Variants in CSMD1 observed in about 807,000 individuals in gnomAD.
CSMD1 encodes the protein CUB and Sushi multiple domains 1, also known as CUB and sushi domain-containing protein 1.
A neutral mutation model predicts 417.5 loss-of-function variants in CSMD1; 213 were observed. The ratio of observed to expected loss-of-function variants is 0.51; its 90% CI spans 0.46 to 0.57. The LOEUF (loss-of-function observed/expected upper bound fraction) is 0.57, where lower values mean the gene tolerates loss of function less well. Ranked by LOEUF, CSMD1 falls within the 20% of genes least tolerant of loss-of-function variation. CSMD1 has a pLI of 0.00. For synonymous variants in CSMD1, 2,862 were observed against 1,736.8 expected, an observed-to-expected ratio of 1.65 and a Z score of -16.11; for missense variants, 6,923 against 4,529.7, an observed-to-expected ratio of 1.53 and a Z score of -15.17.
At chr8:4,945,408 A>C (rs527914291) in intron 1 of CSMD1, among the ~76,000 whole-genome samples, 1 of 152,092 alleles carries the variant, frequency 6.6e-6, no homozygotes, top group Non-Finnish European at 1.5e-5. Context: ...ATTTCATATT[A>C]TGTATATTTT....
At chr8:3,864,819 A>G (rs1003362867) in intron 5 of CSMD1, among the ~76,000 whole-genome samples, 6 of 152,212 alleles carry the variant, frequency 3.9e-5, no homozygotes, top group Non-Finnish European at 7.3e-5. Flanking sequence ...GCTATTTGTT[A>G]TACAGAAACA....
intron 3 of CSMD1, among the ~76,000 whole-genome samples, chr8:4,055,650 G>A (rs1454824905): frequency 2.0e-5 from 3 of 151,988 alleles, no homozygotes; most frequent in African/African-American, 7.2e-5. Flanking sequence ...AACAGAAACT[G>A]TTTAATGTAA....
chr8:3,608,273 C>T (rs530739521), intron 8 of CSMD1, among the ~76,000 whole-genome samples: 19 of 151,960 alleles, frequency 1.3e-4, no homozygotes, highest in African/African-American at 4.1e-4. Flanking sequence ...TATTGCAGCT[C>T]ATGCAGAATC....
At chr8:3,938,168 A>G (rs1008550981) in intron 5 of CSMD1, among the ~76,000 whole-genome samples, 1 of 152,168 alleles carries the variant, frequency 6.6e-6, no homozygotes, top group African/African-American at 2.4e-5. Flanking sequence ...TTGTGTCAAT[A>G]AAAGTTGGGC....
chr8:3,913,070 A>G (rs1403139553), intron 5 of CSMD1, among the ~76,000 whole-genome samples: 1 of 152,156 alleles, frequency 6.6e-6, no homozygotes, highest in Non-Finnish European at 1.5e-5. Flanking sequence ...TGGCAGCACT[A>G]GGAAAGGAGC....
intron 12 of CSMD1, among the ~76,000 whole-genome samples, chr8:3,419,796 G>C (rs901612830): frequency 3.9e-5 from 6 of 152,052 alleles, no homozygotes; most frequent in Admixed American, 1.3e-4. Flanking sequence ...ATACAGTTTT[G>C]CATAAATTAA....
At chr8:4,005,553 G>A (rs558228099) in intron 4 of CSMD1, among the ~76,000 whole-genome samples, 3 of 152,274 alleles carry the variant, frequency 2.0e-5, no homozygotes, top group South Asian at 4.1e-4. Flanking sequence ...TTTATTTTCT[G>A]AATTGTCTTT....
chr8:4,737,049 G>C (rs534784999), intron 1 of CSMD1, among the ~76,000 whole-genome samples: 4 of 152,062 alleles, frequency 2.6e-5, no homozygotes, highest in African/African-American at 7.2e-5. Flanking sequence ...GTTTATTGCA[G>C]CATGATTCAC....
At chr8:4,684,745 T>G (rs368417705) in intron 1 of CSMD1, among the ~76,000 whole-genome samples, 230 of 152,348 alleles carry the variant, frequency 1.5e-3, no homozygotes, top group Middle Eastern at 6.8e-3. Flanking sequence ...TTTTGAACTA[T>G]AAATAATTAA....
At chr8:3,093,802 G>A (rs1370456108) in intron 47 of CSMD1, among the ~76,000 whole-genome samples, 1 of 152,186 alleles carries the variant, frequency 6.6e-6, no homozygotes, top group Non-Finnish European at 1.5e-5. Flanking sequence ...ATCGGGCAAT[G>A]CTGACTTTGG....
chr8:4,577,199 G>A (rs1276911091), intron 2 of CSMD1, among the ~76,000 whole-genome samples: 2 of 151,732 alleles, frequency 1.3e-5, no homozygotes, highest in South Asian at 2.1e-4. Context: ...ATTTTCTTTT[G>A]AATGTATCAA....
intron 47 of CSMD1, among the ~76,000 whole-genome samples, chr8:3,095,542 T>C (rs1173844600): frequency 6.6e-6 from 1 of 152,198 alleles, no homozygotes; most frequent in African/African-American, 2.4e-5. Flanking sequence ...ATTTATTAAT[T>C]CATTTTTGAA....
intron 5 of CSMD1, among the ~76,000 whole-genome samples, chr8:3,800,162 C>G (rs1265264753): frequency 2.0e-5 from 3 of 151,980 alleles, no homozygotes; most frequent in African/African-American, 7.2e-5. Flanking sequence ...GGAAAAAGAA[C>G]AAAAATCAGT....
intron 11 of CSMD1, among the ~76,000 whole-genome samples, chr8:3,482,283 A>T (rs1817793250): frequency 6.6e-6 from 1 of 152,176 alleles, no homozygotes; most frequent in South Asian, 2.1e-4. Flanking sequence ...CTTAAAATAT[A>T]TGTCAAAATC....
intron 7 of CSMD1, among the ~76,000 whole-genome samples, chr8:3,660,091 C>G (rs1033322989): frequency 6.6e-6 from 1 of 152,174 alleles, no homozygotes; most frequent in Non-Finnish European, 1.5e-5. Context: ...AAGGTACCAT[C>G]GTGATGTATG....
intron 3 of CSMD1, among the ~76,000 whole-genome samples, chr8:4,113,232 T>TCA (rs1801952720): frequency 4.6e-5 from 7 of 152,200 alleles, no homozygotes; most frequent in Admixed American, 3.9e-4. Flanking sequence ...GGCTCCTATG[T>TCA]GTTCAATTGA....
At chr8:4,855,928 T>A (rs540460470) in intron 1 of CSMD1, among the ~76,000 whole-genome samples, 4 of 148,674 alleles carry the variant, frequency 2.7e-5, no homozygotes, top group African/African-American at 9.9e-5. Context: ...ACAAAGATAC[T>A]CCTCGAGAAG....
intron 1 of CSMD1, among the ~76,000 whole-genome samples, chr8:4,797,801 A>T (rs1798061100): frequency 6.6e-6 from 1 of 152,222 alleles, no homozygotes; most frequent in Admixed American, 6.5e-5. Flanking sequence ...ATTTAAAAAT[A>T]CTTGTGCTCA....
intron 5 of CSMD1, among the ~76,000 whole-genome samples, chr8:3,810,194 G>A (rs1245595766): frequency 2.0e-5 from 3 of 152,150 alleles, no homozygotes; most frequent in South Asian, 2.1e-4. Flanking sequence ...CATGTCCAAT[G>A]AGTCAGGACA....
Sources: allele counts gnomAD v4.1 joint callset (sites outside exome capture counted in the v4.1 genomes callset), GRCh38; gene constraint gnomAD v4.1.1; transcripts MANE v1.5; gene names NCBI Gene and HGNC (gene_info 2026-07-23, HGNC 2026-07-21).